Variants in IFT88 observed in about 807,000 individuals in gnomAD.
IFT88 encodes the protein intraflagellar transport protein 88 homolog.
A neutral mutation model predicts 119.5 loss-of-function variants in IFT88; 74 were observed. The observed-to-expected ratio is 0.62, with a 90% CI of 0.51 to 0.75. The LOEUF (loss-of-function observed/expected upper bound fraction) is 0.75. Ranked by LOEUF, IFT88 falls within the 30% of genes least tolerant of loss-of-function variation. The probability of loss-of-function intolerance (pLI) is 0.00; values close to 1 mark genes in which losing one functional copy is unlikely to be tolerated. For synonymous variants in IFT88, 279 were observed against 316.7 expected (o/e 0.88, Z 1.26); for missense variants, 961 against 977.7 (o/e 0.98, Z 0.23).
intron 2 of IFT88, among the ~76,000 whole-genome samples, chr13:20,579,514 T>C (rs1391319501): frequency 6.6e-6 from 1 of 152,158 alleles, no homozygotes; most frequent in African/African-American, 2.4e-5. Context: ...TTTGGTGAAT[T>C]CTGCCAGGCC....
Position 20,598,751 on chromosome 13 carries a change from C to T in IFT88, c.695C>T (p.Ala232Val). The change falls in exon 10 of 26, where the codon GCA (alanine) becomes GTA (valine). Residue 232 changes from alanine (A) to valine (V), a missense_variant and splice_region_variant. Physicochemically the swap from Ala to Val is moderately conservative, Grantham distance 64. Coordinates refer to ENST00000351808, the MANE Select transcript of IFT88 (RefSeq NM_006531.5). ...GTCAAAAATAAGATGTTTAGCAATG[C>T]AGGTAAGTGTACATAATCAGTTTTT... is the stretch of plus-strand genomic sequence containing the variant. ...VIVKNKMFSN[A>V]GILKMNMGNI... is the part of the protein sequence containing the mutation. 6.4e-7 allele frequency: 1 copy of T among 1,565,354 alleles called. No individual in the cohort carries two copies. Among genetic ancestry groups the T allele is most frequent in the Non-Finnish European group, 8.8e-7 (1 of 1,137,412 alleles).
chr13:20,567,718 A>G, intron 1 of IFT88: 1 of 1,232,528 alleles, frequency 8.1e-7, no homozygotes, highest in Non-Finnish European at 1.0e-6. Context: ...GAATGAAGAT[A>G]AAAGTACACA....
intron 24 of IFT88, among the ~76,000 whole-genome samples, chr13:20,689,278 C>A (rs908193559): frequency 6.6e-6 from 1 of 152,146 alleles, no homozygotes; most frequent in African/African-American, 2.4e-5. Flanking sequence ...AAATTTGAAT[C>A]TTTCAGGCTA....
chr13:20,668,445 A>G (rs2055151715), intron 23 of IFT88, among the ~76,000 whole-genome samples: 1 of 152,140 alleles, frequency 6.6e-6, no homozygotes. Flanking sequence ...GTTTTGATAA[A>G]TGTTTTGGTT....
chr13:20,603,661 C>T (rs1418939108), intron 12 of IFT88, among the ~76,000 whole-genome samples: 6 of 151,996 alleles, frequency 3.9e-5, no homozygotes, highest in African/African-American at 1.5e-4. Flanking sequence ...TTTGGGAGGC[C>T]GAGGTGGGAG....
chr13:20,610,858 G>A (rs2044369757), intron 13 of IFT88, among the ~76,000 whole-genome samples: 2 of 152,106 alleles, frequency 1.3e-5, no homozygotes, highest in East Asian at 1.9e-4. Flanking sequence ...TATACAGGTG[G>A]CCAAGCGTGG....
intron 23 of IFT88, among the ~76,000 whole-genome samples, chr13:20,667,757 A>G (rs1053200489): frequency 7.3e-5 from 11 of 151,646 alleles, no homozygotes; most frequent in African/African-American, 2.7e-4. Flanking sequence ...TCACAGTTTT[A>G]TATCCTCTTT....
chr13:20,618,623 C>G (rs185757249), intron 14 of IFT88, among the ~76,000 whole-genome samples: 21 of 152,138 alleles, frequency 1.4e-4, no homozygotes, highest in Admixed American at 1.4e-3. Flanking sequence ...GACTGAGGAG[C>G]TCATTAAAAG....
chr13:20,657,892 G>C (rs2053118907), intron 22 of IFT88, among the ~76,000 whole-genome samples: 1 of 152,160 alleles, frequency 6.6e-6, no homozygotes, highest in Non-Finnish European at 1.5e-5. Flanking sequence ...CCAAGGATTA[G>C]ATGTACTACG....
At chr13:20,623,958 A>T (rs1367852047) in intron 14 of IFT88, among the ~76,000 whole-genome samples, 5 of 152,168 alleles carry the variant, frequency 3.3e-5, no homozygotes, top group African/African-American at 1.2e-4. Flanking sequence ...AGATAAATGG[A>T]AGTGAATTTT....
chr13:20,660,345 G>A (rs1278532021), intron 22 of IFT88, among the ~76,000 whole-genome samples: 1 of 152,230 alleles, frequency 6.6e-6, no homozygotes, highest in Non-Finnish European at 1.5e-5. Flanking sequence ...GCCAGGACCT[G>A]TGGATCCTCA....
At chr13:20,686,658 G>A (rs576687238) in intron 24 of IFT88, among the ~76,000 whole-genome samples, 8 of 152,012 alleles carry the variant, frequency 5.3e-5, no homozygotes, top group South Asian at 2.1e-4. Context: ...AATCTCTGCC[G>A]CAACCTGTTT....
chr13:20,567,809 C>T, intron 1 of IFT88: 2 of 1,311,050 alleles, frequency 1.5e-6, no homozygotes, highest in Non-Finnish European at 2.0e-6. Flanking sequence ...AAGATTCTTT[C>T]TAAGCCTAAA....
intron 21 of IFT88, 139 bp downstream of exon 21, chr13:20,654,067 G>A: frequency 2.3e-6 from 1 of 432,296 alleles, no homozygotes; most frequent in Non-Finnish European, 4.1e-6. Context: ...TCAAAGCATT[G>A]TATGAAAAAC....
intron 13 of IFT88, chr13:20,607,788 C>T (rs2043772869): frequency 2.7e-6 from 2 of 743,956 alleles, no homozygotes; most frequent in African/African-American, 3.4e-5. Context: ...TCAACCTCGT[C>T]AGCTCTCTGA....
chr13:20,640,609 A>C (rs1025669670), intron 17 of IFT88, among the ~76,000 whole-genome samples: 2 of 143,604 alleles, frequency 1.4e-5, no homozygotes, highest in African/African-American at 2.6e-5. Context: ...TAAATAAATA[A>C]ATACAAATTA....
At chr13:20,686,212 A>G (rs746846559) in intron 24 of IFT88, among the ~76,000 whole-genome samples, 2 of 152,214 alleles carry the variant, frequency 1.3e-5, no homozygotes, top group African/African-American at 2.4e-5. Flanking sequence ...TCTAGAGACA[A>G]TCTTATTTGC....
chr13:20,644,794 A>C (rs529433584), intron 19 of IFT88, 49 bp from the exon 20 acceptor site: 1 of 791,868 alleles, frequency 1.3e-6, no homozygotes, highest in Non-Finnish European at 2.1e-6. Flanking sequence ...GAAGTAAATT[A>C]TATGTTGCCA....
chr13:20,621,437 G>A (rs139836000), intron 14 of IFT88, among the ~76,000 whole-genome samples: 155 of 147,426 alleles, frequency 1.1e-3, no homozygotes, highest in African/African-American at 3.8e-3. Context: ...CAGCTTTGTT[G>A]TTGAGGATTA....
Sources: allele counts gnomAD v4.1 joint callset (sites outside exome capture counted in the v4.1 genomes callset), GRCh38; gene constraint gnomAD v4.1.1; transcripts MANE v1.5; gene names NCBI Gene and HGNC (gene_info 2026-07-23, HGNC 2026-07-21).